The following CD109 variants were observed in gnomAD, a reference collection of about 807,000 sequenced individuals.
The protein encoded by CD109 is CD109 molecule.
A neutral mutation model predicts 165.8 loss-of-function variants in CD109; 149 were observed. The ratio of observed to expected loss-of-function variants is 0.90; its 90% CI spans 0.79 to 1.03. The LOEUF (loss-of-function observed/expected upper bound fraction) is 1.03, where lower values mean the gene tolerates loss of function less well. Ranked by LOEUF, CD109 falls within the 50% of genes least tolerant of loss-of-function variation. The pLI is 0.00. For synonymous variants in CD109, 585 were observed against 592.1 expected, an observed-to-expected ratio of 0.99 and a Z score of 0.18; for missense variants, 1,712 against 1,677.8, an observed-to-expected ratio of 1.02 and a Z score of -0.36.
intron 22 of CD109, among the ~76,000 whole-genome samples, chr6:73,791,186 C>CATATATATATATAT (rs1236914922): frequency 1.6e-4 from 3 of 18,390 alleles, no homozygotes; most frequent in Non-Finnish European, 2.8e-4. Context: ...TACACACACA[C>CATATATATATATAT]ACATACATAT....
intron 15 of CD109, among the ~76,000 whole-genome samples, chr6:73,774,215 TCTTA>T (rs757542252): frequency 1.3e-5 from 2 of 152,250 alleles, no homozygotes; most frequent in Non-Finnish European, 2.9e-5. Context: ...TAGTTGGATG[TCTTA>T]CTTCTACAGT....
chr6:73,709,669 G>A (rs974502640), intron 2 of CD109, among the ~76,000 whole-genome samples: 19 of 152,266 alleles, frequency 1.2e-4, no homozygotes, highest in African/African-American at 4.6e-4. Context: ...TATCCCTGAT[G>A]AACATCGATG....
intron 1 of CD109, 41 bp downstream of exon 1, chr6:73,696,330 C>T (rs1770835905): frequency 1.4e-6 from 2 of 1,388,892 alleles, no homozygotes; most frequent in Non-Finnish European, 1.8e-6. Flanking sequence ...GGCGCGCGGG[C>T]CTGGGCCGCT....
At chr6:73,741,940 G>A (rs1189438636) in intron 5 of CD109, among the ~76,000 whole-genome samples, 1 of 152,164 alleles carries the variant, frequency 6.6e-6, no homozygotes, top group African/African-American at 2.4e-5. Context: ...CAAAGTGCTA[G>A]GATTACAGGC....
chr6:73,702,315 A>T (rs898068672), intron 2 of CD109, among the ~76,000 whole-genome samples: 3 of 152,208 alleles, frequency 2.0e-5, no homozygotes, highest in Non-Finnish European at 4.4e-5. Context: ...AAACTTAAAA[A>T]ATCATCCAAT....
At chr6:73,724,861 C>A (rs1174836855) in intron 3 of CD109, among the ~76,000 whole-genome samples, 1 of 152,128 alleles carries the variant, frequency 6.6e-6, no homozygotes, top group Admixed American at 6.5e-5. Flanking sequence ...CTTGGTCCCC[C>A]AAAGTGCTGG....
At chr6:73,702,031 T>TG (rs34526009) in intron 2 of CD109, among the ~76,000 whole-genome samples, 1 of 152,192 alleles carries the variant, frequency 6.6e-6, no homozygotes, top group African/African-American at 2.4e-5. Flanking sequence ...CCTGCTGGTT[T>TG]GGGGGCACCA....
intron 14 of CD109, among the ~76,000 whole-genome samples, chr6:73,769,366 T>C (rs1319992780): frequency 1.3e-5 from 2 of 152,198 alleles, no homozygotes; most frequent in African/African-American, 2.4e-5. Flanking sequence ...CAAAGGTGAA[T>C]TTTAAAGTAG....
chr6:73,723,278 C>T lies in CD109; in HGVS notation c.275C>T (p.Ser92Leu), dbSNP rs1266008712. 6.2e-7 allele frequency: 1 copy of T among 1,609,724 alleles called. No individual in the cohort carries two copies. Among genetic ancestry groups the T allele is most frequent in the East Asian group, 2.2e-5 (1 of 44,788 alleles). Residue 92 changes from serine to leucine, a missense_variant and splice_region_variant, in exon 3 of 33, where the codon TCA becomes TTA. By Grantham distance (145) the Ser-to-Leu change is moderately radical. Coordinates refer to ENST00000287097, the MANE Select transcript of CD109 (RefSeq NM_133493.5). The part of the protein sequence containing the change: ...KGSFKTLTLP[S>L]LPLNSADEIY... Reference sequence around the variant, plus strand: ...TCTTTTAAGACACTTACTCTTCCATCAGTAAGTATCCATTTAAAAAATTTG... The same window carrying T: ...TCTTTTAAGACACTTACTCTTCCATTAGTAAGTATCCATTTAAAAAATTTG...
chr6:73,685,360 C>G, the CD109 span, among the ~76,000 whole-genome samples: 107 of 151,002 alleles, frequency 7.1e-4, 1 homozygote, highest in African/African-American at 2.5e-3. Context: ...TTTTTTTTTC[C>G]AGAAGCTTTT....
At chr6:73,797,357 A>C (rs1775199608) in intron 23 of CD109, among the ~76,000 whole-genome samples, 1 of 152,256 alleles carries the variant, frequency 6.6e-6, no homozygotes, top group Admixed American at 6.5e-5. Context: ...CCTGCAGTTC[A>C]ACTTTTTAAA....
intron 1 of CD109, 46 bp downstream of exon 1, chr6:73,696,335 G>C (rs1451471251): frequency 7.3e-7 from 1 of 1,373,066 alleles, no homozygotes; most frequent in Non-Finnish European, 9.4e-7. Flanking sequence ...GCGGGCCTGG[G>C]CCGCTCTGCG....
the CD109 span, among the ~76,000 whole-genome samples, chr6:73,681,509 A>T: frequency 4.4e-4 from 67 of 152,158 alleles, no homozygotes; most frequent in African/African-American, 1.6e-3. Flanking sequence ...GTGACTGGGG[A>T]GGTCTCACAA....
At chr6:73,733,926 T>TCA (rs10652096) in intron 4 of CD109, among the ~76,000 whole-genome samples, 68,888 of 151,896 alleles carry the variant, frequency 0.45, 16,987 homozygotes, top group African/African-American at 0.66. Context: ...TTGAGGCATC[T>TCA]CAGAGATCCA....
At position 73,824,371 on chromosome 6, in the gene CD109, C is replaced by T. The variant is rs1776210175; in HGVS notation, c.*738C>T. Reference sequence around the variant, plus strand: ...GGGTGCTGGGTGTGCTGTCTCCTTCCCACATCCTCAGCCCCACACCAGCTC... The same window carrying T: ...GGGTGCTGGGTGTGCTGTCTCCTTCTCACATCCTCAGCCCCACACCAGCTC... On this transcript the variant is annotated 3_prime_UTR_variant, in exon 33 of 33. Coordinates refer to ENST00000287097, the MANE Select transcript of CD109 (RefSeq NM_133493.5). 1.3e-5 allele frequency: 2 copies of T among 152,262 alleles called. No individual in the cohort carries two copies. The highest frequency in any genetic ancestry group is 4.1e-4 in the South Asian group (2 of 4,824). 9.4% of individuals were successfully genotyped at this position (152,262 alleles called of 1,614,324 possible).
chr6:73,704,115 G>A (rs1220683433), intron 2 of CD109, among the ~76,000 whole-genome samples: 2 of 151,052 alleles, frequency 1.3e-5, no homozygotes, highest in African/African-American at 4.9e-5. Flanking sequence ...AACCCAGGAG[G>A]CAGAGGCTGC....
In CD109 at chr6:73,810,014, C is replaced by G; in HGVS notation, c.3386C>G (p.Ser1129Cys). 6.3e-7 allele frequency: 1 copy of G among 1,593,178 alleles called. No individual in the cohort carries two copies. The highest frequency in any genetic ancestry group is 8.5e-7 in the Non-Finnish European group (1 of 1,172,534). Residue 1129 changes from serine (S) to cysteine (C), a missense_variant, in exon 27 of 33, where the codon TCC (serine) becomes TGC (cysteine). Physicochemically the swap from Ser to Cys is moderately radical, Grantham distance 112. Coordinates refer to ENST00000287097, the MANE Select transcript of CD109 (RefSeq NM_133493.5). ...GGMQFWVSSE[S>C]KLSDSWQPRS... ...ATGCAATTCTGGGTGTCATCAGAGT[C>G]CAAACTTTCTGACTCCTGGCAGCCA...
chr6:73,811,214 T>C (rs950364531), intron 28 of CD109, 67 bp downstream of exon 28: 21 of 1,499,902 alleles, frequency 1.4e-5, no homozygotes, highest in Non-Finnish European at 1.8e-5. Context: ...TACTGCTTTA[T>C]TTGTAATCTG....
At chr6:73,685,232 T>C in the CD109 span, among the ~76,000 whole-genome samples, 1 of 152,156 alleles carries the variant, frequency 6.6e-6, no homozygotes, top group African/African-American at 2.4e-5. Flanking sequence ...TGGGTTGTTT[T>C]CTTGTTATTG....
Sources: gnomAD v4.1 joint callset for allele counts (sites outside exome capture counted in the v4.1 genomes callset) on GRCh38, gnomAD v4.1.1 for gene constraint, MANE v1.5 for transcripts, NCBI Gene and HGNC (gene_info 2026-07-23, HGNC 2026-07-21) for gene names.